KIDINS220: variants seen among roughly 807,000 people sequenced by gnomAD.
The protein encoded by KIDINS220 is kinase D interacting substrate 220.
KIDINS220 carries 63 observed loss-of-function variants against 157.6 expected under a neutral mutation model. The ratio of observed to expected loss-of-function variants is 0.40; its 90% confidence interval spans 0.33 to 0.49. KIDINS220 has a LOEUF of 0.49. Among genes scored for constraint, KIDINS220 ranks in the 20% least tolerant of loss-of-function variants. The probability of loss-of-function intolerance (pLI) is 0.66; values close to 1 mark genes in which losing one functional copy is unlikely to be tolerated. For missense variants in KIDINS220, 1,772 were observed against 2,171.2 expected, an observed-to-expected ratio of 0.82 and a Z score of 3.65; for synonymous variants, 732 against 783.6, an observed-to-expected ratio of 0.93 and a Z score of 1.10.
chr2:8,789,779 A>C, intron 14 of KIDINS220, 101 bp downstream of exon 14: 1 of 910,558 alleles, frequency 1.1e-6, no homozygotes, highest in Non-Finnish European at 1.6e-6. Flanking sequence ...TATGAAAATC[A>C]CATACAGGTT....
At chr2:8,765,217 T>C in intron 22 of KIDINS220, among the ~76,000 whole-genome samples, 1 of 152,158 alleles carries the variant, frequency 6.6e-6, no homozygotes, top group East Asian at 1.9e-4. Context: ...ACCAATTATA[T>C]CCTTTTGTCT....
intron 3 of KIDINS220, among the ~76,000 whole-genome samples, 153 bp from the exon 4 acceptor site, chr2:8,817,869 C>A (rs1283866837): frequency 3.3e-5 from 5 of 152,190 alleles, no homozygotes; most frequent in Non-Finnish European, 7.4e-5. Flanking sequence ...CATACTGAAG[C>A]TCTCTTAAGA....
Position 8,731,121 on chromosome 2 carries a change from T to A in KIDINS220, c.4915A>T (p.Ile1639Phe), listed in dbSNP as rs376497503. The A allele has an allele frequency of 9.9e-6, 16 of 1,614,072 alleles. No individual in the cohort carries two copies. The highest frequency in any genetic ancestry group is 1.4e-5 in the Non-Finnish European group (16 of 1,180,024). The part of the protein sequence containing the change: ...PHSLSGLQDP[I>F]IARMSICSED... Reference sequence around the variant, plus strand: ...GAACAAATGGACATCCGAGCTATAATTGGATCTTGCAGGCCACTCAGGCTA... The same window carrying A: ...GAACAAATGGACATCCGAGCTATAAATGGATCTTGCAGGCCACTCAGGCTA... The change falls in exon 30 of 30, where the codon ATT (isoleucine) becomes TTT (phenylalanine). Residue 1639 changes from isoleucine to phenylalanine, a missense_variant. Physicochemically the swap from Ile to Phe is conservative, Grantham distance 21. Around this residue, in one of 3 missense-constraint regions of KIDINS220, gnomAD observed 793 missense variants for 885.5 expected, o/e 0.90. Transcript: ENST00000256707. This position sits in a 1 kb window ranked among gnomAD's most constrained non-coding sequence, Gnocchi z 5.2.
Position 8,803,141 on chromosome 2 carries a change from C to A in KIDINS220, c.604-14G>T. 6.3e-7 allele frequency: 1 copy of A among 1,589,286 alleles called. No homozygotes were observed. The highest frequency in any genetic ancestry group is 8.6e-7 in the Non-Finnish European group (1 of 1,169,338). On this transcript the variant is annotated splice_polypyrimidine_tract_variant and intron_variant, in intron 7 of 29. Coordinates refer to ENST00000256707, the MANE Select transcript of KIDINS220 (RefSeq NM_020738.4). The stretch of plus-strand genomic sequence containing the variant: ...AGTCATTGAATTCTAAAAACAACAA[C>A]AACAAAAACAAAACAAAACGCAAGC...
downstream of KIDINS220, among the ~76,000 whole-genome samples, chr2:8,727,909 T>C (rs1663505181): frequency 6.6e-6 from 1 of 152,244 alleles, no homozygotes; most frequent in African/African-American, 2.4e-5. Flanking sequence ...AAACAGCTTC[T>C]TTTATTTCCA....
At chr2:8,746,104 T>TA in intron 26 of KIDINS220, among the ~76,000 whole-genome samples, 1 of 113,088 alleles carries the variant, frequency 8.8e-6, no homozygotes, top group African/African-American at 7.2e-5. Flanking sequence ...TATACAGTAA[T>TA]TTTTTTTTTT....
chr2:8,826,772 A>G, intron 2 of KIDINS220: 2 of 315,762 alleles, frequency 6.3e-6, no homozygotes, highest in Non-Finnish European at 1.2e-5. Flanking sequence ...AAAAAAAACA[A>G]TAAATCTAAA....
chr2:8,797,012 C>CA, intron 10 of KIDINS220, 143 bp from the exon 11 acceptor site: 10 of 672,610 alleles, frequency 1.5e-5, no homozygotes, highest in South Asian at 1.1e-4. Flanking sequence ...AAGCTAACAA[C>CA]AAAAAAATGC....
At chr2:8,727,572 CA>C (rs1441548274), downstream of KIDINS220, among the ~76,000 whole-genome samples, 1 of 151,880 alleles carries the variant, frequency 6.6e-6, no homozygotes. Flanking sequence ...TACTTCCATT[CA>C]AAAAAATATC....
chr2:8,751,583 T>C lies in KIDINS220; in HGVS notation c.3073A>G (p.Ile1025Val), dbSNP rs557769323. The change falls in exon 23 of 30, where the codon ATA (isoleucine) becomes GTA (valine). Residue 1025 changes from isoleucine to valine, a missense_variant. Ile to Val is a conservative substitution (Grantham distance 29). This residue lies in a region of KIDINS220 where 725 missense variants were observed against 1,017.1 expected (regional missense o/e 0.71). Transcript: ENST00000256707. ...VEPLLEIDGD[I>V]RNFEVFLSSR... ...GACAAAAACACTTCAAAATTTCTTA[T>C]ATCTCCATCAATTTCAAGAAGTGGC... 6.2e-6 allele frequency: 10 copies of C among 1,612,158 alleles called. No homozygotes were observed. The highest frequency in any genetic ancestry group is 2.7e-5 in the African/African-American group (2 of 74,984).
At position 8,750,278 on chromosome 2, in the gene KIDINS220, G is replaced by A; in HGVS notation, c.3248C>T (p.Pro1083Leu). ...CGCCCTAGGAGGACCCTCATGTAGA[G>A]GGAGCGGGGGGTACGCCAGTCCTCC... ...SIGGLAYPPL[P>L]LHEGPPRAPS... Residue 1083 changes from proline to leucine, a missense_variant, in exon 24 of 30, where the codon CCT becomes CTT. Physicochemically the swap from Pro to Leu is moderately conservative, Grantham distance 98 (BLOSUM62 -3). This residue lies in a region of KIDINS220 where 793 missense variants were observed against 885.5 expected (regional missense o/e 0.90). Coordinates refer to ENST00000256707, the MANE Select transcript of KIDINS220 (RefSeq NM_020738.4). 6.2e-7 allele frequency: 1 copy of A among 1,613,606 alleles called. No individual in the cohort carries two copies.
At chr2:8,751,367 G>T in intron 23 of KIDINS220, 99 bp downstream of exon 23, 3 of 972,538 alleles carry the variant, frequency 3.1e-6, no homozygotes, top group Non-Finnish European at 4.7e-6. Context: ...AATACCTCTT[G>T]GTTTTTCATA....
intron 11 of KIDINS220, 74 bp from the exon 12 acceptor site, chr2:8,794,061 T>C: frequency 8.6e-7 from 1 of 1,168,912 alleles, no homozygotes; most frequent in Non-Finnish European, 1.2e-6. Context: ...AATTTTCATG[T>C]TTCTGTAAAA....
chr2:8,744,511 A>G (rs1184298011), intron 26 of KIDINS220, among the ~76,000 whole-genome samples: 1 of 143,496 alleles, frequency 7.0e-6, no homozygotes, highest in African/African-American at 2.6e-5. Flanking sequence ...TTTTTAACAC[A>G]TTACCTTGTG....
chr2:8,724,593 TG>T (rs1663160484), downstream of KIDINS220: 1 of 152,144 alleles, frequency 6.6e-6, no homozygotes. This position sits in a 1 kb window ranked among gnomAD's most constrained non-coding sequence, Gnocchi z 4.6. Flanking sequence ...CTCTCAGAGT[TG>T]CCCCCCTAGT....
chr2:8,728,551 C>T (rs937189423), downstream of KIDINS220, among the ~76,000 whole-genome samples: 3 of 152,230 alleles, frequency 2.0e-5, no homozygotes, highest in African/African-American at 7.2e-5. Context: ...AATAACTCAT[C>T]TGGTTTGTCA....
chr2:8,825,176 A>G (rs1678565276), intron 2 of KIDINS220, among the ~76,000 whole-genome samples: 1 of 152,132 alleles, frequency 6.6e-6, no homozygotes. Context: ...GTTCGAGACC[A>G]GCCTGACCAA....
At chr2:8,770,866 T>A (rs764013767) in intron 21 of KIDINS220, 34 bp from the exon 22 acceptor site, 1 of 1,368,154 alleles carries the variant, frequency 7.3e-7, no homozygotes, top group Non-Finnish European at 1.0e-6. Flanking sequence ...TAAAAATTAA[T>A]AGATGTGTGA....
chr2:8,815,910 A>G (rs972437338), intron 4 of KIDINS220, among the ~76,000 whole-genome samples: 2 of 152,052 alleles, frequency 1.3e-5, no homozygotes, highest in African/African-American at 2.4e-5. Flanking sequence ...GCCCCACAGG[A>G]TCTCAGTGGT....
Sources: gnomAD v4.1 joint callset for allele counts (sites outside exome capture counted in the v4.1 genomes callset) on GRCh38, gnomAD v4.1.1 for gene constraint, gnomAD v4.1.1 regional missense constraint, Gnocchi (gnomAD v3.1) non-coding constraint, MANE v1.5 for transcripts, NCBI Gene and HGNC (gene_info 2026-07-23, HGNC 2026-07-21) for gene names.